Variants in ERC2 observed in about 807,000 individuals in gnomAD.
The protein encoded by ERC2 is ELKS/RAB6-interacting/CAST family member 2.
ERC2 carries 42 observed loss-of-function variants against 114.8 expected under a neutral mutation model. That is an observed-to-expected ratio of 0.37 (90% CI 0.29 to 0.47). The LOEUF (loss-of-function observed/expected upper bound fraction) is 0.47, where lower values mean the gene tolerates loss of function less well. Among genes scored for constraint, ERC2 ranks in the 20% least tolerant of loss-of-function variants. The pLI is 0.99. For synonymous variants in ERC2, 454 were observed against 425.5 expected (o/e 1.07, Z -0.82); for missense variants, 939 against 1,150.7 (o/e 0.82, Z 2.66).
intron 6 of ERC2, among the ~76,000 whole-genome samples, chr3:56,122,475 A>C (rs75217341): frequency 0.051 from 7,821 of 152,176 alleles, 695 homozygotes; most frequent in African/African-American, 0.18. Flanking sequence ...ATTTTTTTTG[A>C]CAATGCAAAT....
chr3:55,592,087 G>A (rs535682618), intron 17 of ERC2, among the ~76,000 whole-genome samples: 81 of 152,266 alleles, frequency 5.3e-4, no homozygotes, highest in Admixed American at 1.6e-3. Context: ...AGGATTCTAC[G>A]TGACTAGGAA....
intron 14 of ERC2, among the ~76,000 whole-genome samples, chr3:55,822,835 G>A (rs1010099730): frequency 1.6e-4 from 25 of 151,964 alleles, no homozygotes; most frequent in African/African-American, 4.8e-4. Context: ...GGATGGTCGC[G>A]ATCTCCTGAC....
intron 2 of ERC2, among the ~76,000 whole-genome samples, chr3:56,398,875 T>G (rs1452920422): frequency 6.6e-6 from 1 of 152,178 alleles, no homozygotes; most frequent in Non-Finnish European, 1.5e-5. Flanking sequence ...CATTTCAGCC[T>G]CCCAAAGAGC....
At chr3:56,310,698 G>T (rs1250091653) in intron 2 of ERC2, among the ~76,000 whole-genome samples, 1 of 152,116 alleles carries the variant, frequency 6.6e-6, no homozygotes, top group Admixed American at 6.5e-5. Flanking sequence ...TGAGAAGGGA[G>T]AATAACAGAC....
chr3:56,362,676 T>C (rs1168664920), intron 2 of ERC2, among the ~76,000 whole-genome samples: 1 of 152,164 alleles, frequency 6.6e-6, no homozygotes, highest in Non-Finnish European at 1.5e-5. Flanking sequence ...CTTATGAAAA[T>C]ACAGGAACAA....
chr3:55,880,738 T>A (rs1043466738), intron 14 of ERC2, among the ~76,000 whole-genome samples: 1 of 151,464 alleles, frequency 6.6e-6, no homozygotes, highest in African/African-American at 2.4e-5. Flanking sequence ...AAATTGGACA[T>A]GTTAAAGTTT....
intron 14 of ERC2, among the ~76,000 whole-genome samples, chr3:55,816,457 T>A (rs1030548481): frequency 6.6e-6 from 1 of 152,206 alleles, no homozygotes; most frequent in South Asian, 2.1e-4. Context: ...GAAAGCCACA[T>A]AGATACAAAG....
chr3:55,613,568 A>G (rs1485574245), intron 17 of ERC2, among the ~76,000 whole-genome samples: 1 of 152,172 alleles, frequency 6.6e-6, no homozygotes. Flanking sequence ...CAAGGGTGCA[A>G]GAGCCTGGGC....
Position 56,048,940 on chromosome 3 carries a change from G to A in ERC2, c.1642-29909C>T, listed in dbSNP as rs145526384. The stretch of plus-strand genomic sequence containing the variant: ...GTTACGTGAGATGGGTATTCACGAA[G>A]ACCTCTTGGAGGAGGTGATATCTAA... On this transcript the variant is annotated intron_variant, in intron 7 of 17. Coordinates refer to ENST00000288221, the MANE Select transcript of ERC2 (RefSeq NM_015576.3). Among the ~76,000 whole-genome samples, 909 of 152,310 alleles carry A rather than the reference G, an allele frequency of 6.0e-3. 3 individuals carry two copies. The highest frequency in any genetic ancestry group is 0.01 in the Middle Eastern group (3 of 294).
At chr3:55,928,605 T>C (rs1171719841) in intron 13 of ERC2, among the ~76,000 whole-genome samples, 3 of 152,230 alleles carry the variant, frequency 2.0e-5, no homozygotes, top group Non-Finnish European at 2.9e-5. Flanking sequence ...TAGAAGCTTT[T>C]TAACTTGATG....
chr3:55,805,572 A>G (rs1027327460), intron 14 of ERC2, among the ~76,000 whole-genome samples: 1 of 151,738 alleles, frequency 6.6e-6, no homozygotes, highest in Non-Finnish European at 1.5e-5. Flanking sequence ...CCACATTTGG[A>G]TATCACTTGG....
intron 13 of ERC2, among the ~76,000 whole-genome samples, chr3:55,926,428 A>AAAC (rs200200239): frequency 2.6e-5 from 4 of 151,096 alleles, no homozygotes; most frequent in Non-Finnish European, 3.0e-5. Context: ...AAAAAAAAAA[A>AAAC]CTAAAAGATC....
At chr3:55,599,023 A>T (rs1229274975) in intron 17 of ERC2, among the ~76,000 whole-genome samples, 1 of 152,210 alleles carries the variant, frequency 6.6e-6, no homozygotes, top group Non-Finnish European at 1.5e-5. Flanking sequence ...TAGGCTTCAA[A>T]TTTATCATGG....
At chr3:55,953,787 A>C (rs941435498) in intron 12 of ERC2, among the ~76,000 whole-genome samples, 12 of 152,164 alleles carry the variant, frequency 7.9e-5, no homozygotes, top group Admixed American at 6.5e-5. Context: ...CAGTGAAAAA[A>C]TGACCACAGT....
Position 55,991,659 on chromosome 3 carries a change from G to A in ERC2, c.2255+398C>T, listed in dbSNP as rs182674042. 9.3e-4 allele frequency among the ~76,000 whole-genome samples: 142 copies of A among 152,172 alleles called. 1 individual carries two copies. Among genetic ancestry groups the A allele is most frequent in the Non-Finnish European group, 1.3e-3 (89 of 68,028 alleles). ...TGAAGAATTCCCAACTATATTCTTC[G>A]GTTTTTGGTGTTGGTGGTGGTGTTG... On this transcript the variant is annotated intron_variant, in intron 11 of 17. Transcript: ENST00000288221.
chr3:55,727,231 A>AT (rs2064977660), intron 15 of ERC2, among the ~76,000 whole-genome samples: 1 of 152,152 alleles, frequency 6.6e-6, no homozygotes, highest in Non-Finnish European at 1.5e-5. Flanking sequence ...ATTTTCTTAT[A>AT]TTTTTTAGAA....
chr3:55,526,237 G>C (rs566718112), intron 17 of ERC2, among the ~76,000 whole-genome samples: 1 of 152,288 alleles, frequency 6.6e-6, no homozygotes, highest in East Asian at 1.9e-4. Flanking sequence ...CCAGCACCTT[G>C]ATTTTGGACT....
intron 7 of ERC2, among the ~76,000 whole-genome samples, chr3:56,068,361 A>G (rs2076576491): frequency 6.6e-6 from 1 of 152,128 alleles, no homozygotes; most frequent in South Asian, 2.1e-4. Context: ...GGTAGTTTGT[A>G]TTTCTGTGGG....
chr3:56,464,411 C>G (rs2063449523), intron 1 of ERC2, among the ~76,000 whole-genome samples: 1 of 152,172 alleles, frequency 6.6e-6, no homozygotes, highest in Non-Finnish European at 1.5e-5. Context: ...AACCCACAGC[C>G]TCTACACAGC....
Sources: allele counts gnomAD v4.1 joint callset (sites outside exome capture counted in the v4.1 genomes callset), GRCh38; gene constraint gnomAD v4.1.1; transcripts MANE v1.5; gene names NCBI Gene and HGNC (gene_info 2026-07-23, HGNC 2026-07-21).